Variants in RPRD1A observed in about 807,000 individuals in gnomAD.
RPRD1A encodes regulation of nuclear pre-mRNA domain containing 1A.
RPRD1A carries 9 observed loss-of-function variants against 37.8 expected under a neutral mutation model. That is an observed-to-expected ratio of 0.24 (90% CI 0.14 to 0.42). RPRD1A has a LOEUF of 0.42. Among genes scored for constraint, RPRD1A ranks in the 10% least tolerant of loss-of-function variants. RPRD1A has a pLI of 1.00. For synonymous variants in RPRD1A, 138 were observed against 139.7 expected, an observed-to-expected ratio of 0.99 and a Z score of 0.08; for missense variants, 255 against 371.0, an observed-to-expected ratio of 0.69 and a Z score of 2.57.
chr18:36,038,571 A>C (rs1172640742), intron 1 of RPRD1A, among the ~76,000 whole-genome samples: 1 of 152,212 alleles, frequency 6.6e-6, no homozygotes, highest in Non-Finnish European at 1.5e-5. Context: ...GCGTAGGGGA[A>C]ATGTGGGATT....
chr18:36,031,879 C>T (rs971795241), intron 2 of RPRD1A, among the ~76,000 whole-genome samples: 31 of 152,224 alleles, frequency 2.0e-4, no homozygotes, highest in African/African-American at 5.8e-4. Context: ...GGCCATAAGG[C>T]CCACATGCTC....
chr18:36,055,394 C>T (rs927980531), intron 1 of RPRD1A, among the ~76,000 whole-genome samples: 7 of 152,242 alleles, frequency 4.6e-5, no homozygotes, highest in African/African-American at 1.7e-4. Flanking sequence ...CAACTTAATC[C>T]TTCAATACTT....
chr18:35,993,245 C>T lies in RPRD1A; in HGVS notation c.845G>A (p.Arg282Gln), dbSNP rs747405130. The T allele has an allele frequency of 3.2e-5, 51 of 1,614,030 alleles. No individual in the cohort carries two copies. The highest frequency in any genetic ancestry group is 3.9e-5 in the Non-Finnish European group (46 of 1,180,026). ...AGATAAGTCTGGCAGGCTCTGGATC[C>T]GGGACCTGAGTTCTTTGCGCACCAG... ...VSLVRKELRS[R>Q]IQSLPDLSRL... The change falls in exon 7 of 7, where the codon CGG becomes CAG. Residue 282 changes from arginine to glutamine, a missense_variant. Transcript: ENST00000399022.
At chr18:36,049,822 TAGG>T (rs1913244436) in intron 1 of RPRD1A, among the ~76,000 whole-genome samples, 1 of 152,220 alleles carries the variant, frequency 6.6e-6, no homozygotes, top group African/African-American at 2.4e-5. Context: ...CTTTATTCTT[TAGG>T]AGTTTATACT....
Position 36,017,988 on chromosome 18 carries a change from A to G in RPRD1A, c.789+8912T>C, listed in dbSNP as rs183695697. Among the ~76,000 whole-genome samples the G allele has an allele frequency of 8.5e-5, 13 of 152,304 alleles. No individual in the cohort carries two copies. The East Asian group carries it at 2.5e-3, about 29-fold the overall frequency. ...TTATTCTCCTACAGAAGGGGAAAAA[A>G]TGCAAGCTGGTAAAATAATTTTACA... On this transcript the variant is annotated intron_variant, in intron 6 of 6. Transcript: ENST00000399022.
intron 1 of RPRD1A, among the ~76,000 whole-genome samples, chr18:36,051,784 A>G (rs553016278): frequency 6.6e-6 from 1 of 152,328 alleles, no homozygotes; most frequent in Non-Finnish European, 1.5e-5. Context: ...AAGACAATTA[A>G]AATTATTGAG....
At chr18:36,029,321 G>GAA (rs937846710) in intron 4 of RPRD1A, among the ~76,000 whole-genome samples, 5 of 152,104 alleles carry the variant, frequency 3.3e-5, no homozygotes, top group Admixed American at 1.3e-4. Flanking sequence ...TTTATTCAGT[G>GAA]AATTTGGAAC....
At chr18:36,007,324 G>A (rs972010408) in intron 6 of RPRD1A, among the ~76,000 whole-genome samples, 4 of 152,096 alleles carry the variant, frequency 2.6e-5, no homozygotes, top group South Asian at 2.1e-4. Flanking sequence ...TTTGTACAAC[G>A]GGGTCTGTAA....
At chr18:36,008,569 T>TATATATATATATATATATATATATATATA (rs1555670660) in intron 6 of RPRD1A, among the ~76,000 whole-genome samples, 16 of 56,060 alleles carry the variant, frequency 2.9e-4, no homozygotes, top group African/African-American at 1.2e-3. Flanking sequence ...CAGCAAGACC[T>TATATATATATATATATATATATATATATA]TGTGTGTGTA....
intron 1 of RPRD1A, among the ~76,000 whole-genome samples, chr18:36,050,936 T>C (rs1310472275): frequency 6.6e-6 from 1 of 151,700 alleles, no homozygotes; most frequent in Non-Finnish European, 1.5e-5. Context: ...ACTGTGGGTG[T>C]GTGGCATTAA....
chr18:36,064,919 A>G (rs529874126), intron 1 of RPRD1A, among the ~76,000 whole-genome samples: 3 of 152,084 alleles, frequency 2.0e-5, no homozygotes, highest in Non-Finnish European at 4.4e-5. Flanking sequence ...ACCGAGAGGG[A>G]CCAACAACTC....
rs1198214970 is a variant in RPRD1A, at chr18:35,993,264, G to A, written c.826C>T (p.Arg276Cys). 1.2e-6 allele frequency: 2 copies of A among 1,614,056 alleles called. No homozygotes were observed. The highest frequency in any genetic ancestry group is 8.5e-7 in the Non-Finnish European group (1 of 1,180,000). Residue 276 changes from arginine to cysteine, a missense_variant, in exon 7 of 7, where the codon CGC becomes TGC. Physicochemically the swap from Arg to Cys is radical, Grantham distance 180. Transcript: ENST00000399022. ...TGGATCCGGGACCTGAGTTCTTTGC[G>A]CACCAGGGAAACTCTGGCTAGCTTG... is the stretch of plus-strand genomic sequence containing the variant. ...KRKLARVSLVRKELRSRIQSL... is the reference protein window; with the variant it reads ...KRKLARVSLVCKELRSRIQSL...
chr18:36,052,143 T>G (rs1405412827), intron 1 of RPRD1A, among the ~76,000 whole-genome samples: 2 of 112,826 alleles, frequency 1.8e-5, no homozygotes, highest in Non-Finnish European at 3.5e-5. Flanking sequence ...AGACAATGTA[T>G]TTAACATCCT....
At chr18:36,055,829 T>C (rs1913727003) in intron 1 of RPRD1A, among the ~76,000 whole-genome samples, 1 of 152,018 alleles carries the variant, frequency 6.6e-6, no homozygotes, top group East Asian at 1.9e-4. Flanking sequence ...ATAAAGAGTA[T>C]AACAGTGCAA....
chr18:36,001,942 A>G (rs1909444892), intron 6 of RPRD1A, among the ~76,000 whole-genome samples: 1 of 152,030 alleles, frequency 6.6e-6, no homozygotes, highest in African/African-American at 2.4e-5. Flanking sequence ...TTCAACACTT[A>G]TCTTCTTGCT....
At chr18:36,027,998 A>T (rs1911497817) in intron 4 of RPRD1A, 1 of 152,126 alleles carries the variant, frequency 6.6e-6, no homozygotes. Context: ...CATACAAGCT[A>T]TAATTAGGAG....
chr18:36,043,666 T>C lies in RPRD1A; in HGVS notation c.152-9829A>G, dbSNP rs182569871. 2.8e-4 allele frequency among the ~76,000 whole-genome samples: 42 copies of C among 152,312 alleles called. No individual in the cohort carries two copies. In the East Asian group the frequency reaches 6.0e-3, roughly 22 times the overall value. The stretch of plus-strand genomic sequence containing the variant: ...TTCACATTACACTTCTAGAATGAAA[T>C]TGAGACTAAAACTTTTTTGTTTTAC... On this transcript the variant is annotated intron_variant, in intron 1 of 6. Transcript: ENST00000399022.
rs139228932 is a variant in RPRD1A at position 35,992,915 on chromosome 18, C to T, written c.*236G>A. 2.4e-3 allele frequency: 835 copies of T among 349,712 alleles called. 5 individuals are homozygous for T. The highest frequency in any genetic ancestry group is 0.014 in the South Asian group (124 of 8,652). The allele number at this position is 349,712 out of a possible 1,614,324, so 21.7% of individuals were successfully genotyped here. ...TACAAAAAGATCTTTTGAAAATAAT[C>T]ACTATTTGTGAGCTTATTAATACAC... is the stretch of plus-strand genomic sequence containing the variant. On this transcript the variant is annotated 3_prime_UTR_variant, in exon 7 of 7. Coordinates refer to ENST00000399022, the MANE Select transcript of RPRD1A (RefSeq NM_018170.5).
At position 36,051,603 on chromosome 18, in the gene RPRD1A, CAT is replaced by C. The variant is rs145497666; in HGVS notation, c.151+15649_151+15650del. Among the ~76,000 whole-genome samples the C allele has an allele frequency of 9.2e-3, 1,404 of 152,250 alleles. 11 individuals carry two copies. The highest frequency in any genetic ancestry group is 0.032 in the African/African-American group (1,326 of 41,526). On this transcript the variant is annotated intron_variant, in intron 1 of 6. Coordinates refer to ENST00000399022, the MANE Select transcript of RPRD1A (RefSeq NM_018170.5). Reference sequence around the variant, plus strand: ...CATTCATTCAGTAACTCATTCAACACATAGTTATTGTGTCTATTGTATGCTAG... The same window carrying C: ...CATTCATTCAGTAACTCATTCAACACAGTTATTGTGTCTATTGTATGCTAG...
Sources: gnomAD v4.1 joint callset for allele counts (sites outside exome capture counted in the v4.1 genomes callset) on GRCh38, gnomAD v4.1.1 for gene constraint, MANE v1.5 for transcripts, NCBI Gene and HGNC (gene_info 2026-07-23, HGNC 2026-07-21) for gene names.